MGST1: variants seen among roughly 807,000 people sequenced by gnomAD.
The protein encoded by MGST1 is microsomal glutathione S-transferase 1, also known as glutathione S-transferase 12.
Under a neutral mutation model 8.9 loss-of-function variants are expected in MGST1, and 5 were observed. That is an observed-to-expected ratio of 0.56 (90% CI 0.29 to 1.19). The LOEUF is 1.19. Among genes scored for constraint, MGST1 ranks in the 50% most tolerant of loss-of-function variants. The pLI, the probability that MGST1 is intolerant of heterozygous loss-of-function variation, is 0.08. For missense variants in MGST1, 182 were observed against 187.4 expected (o/e 0.97, Z 0.17); for synonymous variants, 54 against 67.8 (o/e 0.80, Z 1.00).
Position 16,589,127 on chromosome 12 carries a change from A to G in MGST1, n.483-401A>G, listed in dbSNP as rs2137603009. 6.6e-6 allele frequency among the ~76,000 whole-genome samples: 1 copy of G among 152,200 alleles called. No individual in the cohort carries two copies. Among genetic ancestry groups the G allele is most frequent in the East Asian group, 1.9e-4 (1 of 5,164 alleles). On this transcript the variant is annotated intron_variant and non_coding_transcript_variant, in intron 4 of 4. Transcript: ENST00000538857. This position sits in a 1 kb window ranked among gnomAD's most constrained non-coding sequence, Gnocchi z 4.2. ...GCAACCTGACATGCCTCTAAGATCTACGAATTAGATGTAACCTCACCCAGT... is the reference window on the plus strand; with the variant it reads ...GCAACCTGACATGCCTCTAAGATCTGCGAATTAGATGTAACCTCACCCAGT...
chr12:16,380,448 G>A (rs1233184520), downstream of MGST1, among the ~76,000 whole-genome samples: 1 of 152,210 alleles, frequency 6.6e-6, no homozygotes, highest in Non-Finnish European at 1.5e-5. Context: ...GTGGTTGAGC[G>A]GTTTTGAGTG....
chr12:16,358,061 A>T (rs1239305993), intron 3 of MGST1, among the ~76,000 whole-genome samples: 1 of 152,090 alleles, frequency 6.6e-6, no homozygotes, highest in African/African-American at 2.4e-5. Context: ...AGAATTAGGT[A>T]TTTTTGCATA....
chr12:16,501,697 T>A (rs936730162), intron 4 of MGST1, among the ~76,000 whole-genome samples: 1 of 152,186 alleles, frequency 6.6e-6, no homozygotes, highest in African/African-American at 2.4e-5. Context: ...ACCCAGTTAC[T>A]GTGTAATGAA....
Position 16,363,828 on chromosome 12 carries a change from A to G in MGST1, c.255A>G (p.Pro85=). ...AHLNDLENII[P]FLGIGLLYSL... ...TGAATGACCTTGAAAATATTATTCC[A>G]TTTCTTGGAATTGGCCTCCTGTATT... Residue 85 remains proline, a synonymous_variant, in exon 4 of 4, where the codon CCA becomes CCG. Transcript: ENST00000396210. This position sits in a 1 kb window ranked among gnomAD's most constrained non-coding sequence, Gnocchi z 4.6. 2.5e-6 allele frequency: 4 copies of G among 1,610,430 alleles called. No homozygotes were observed. Among genetic ancestry groups the G allele is most frequent in the Non-Finnish European group, 3.4e-6 (4 of 1,177,170 alleles).
At chr12:16,357,478 A>C in intron 2 of MGST1, 127 bp from the exon 3 acceptor site, 1 of 711,050 alleles carries the variant, frequency 1.4e-6, no homozygotes, top group African/African-American at 1.8e-5. Context: ...TATGTTGCCC[A>C]GGCTGATCTT....
Position 16,460,522 on chromosome 12 carries a change from G to C in MGST1, n.482+76918G>C, listed in dbSNP as rs16911936. Among the ~76,000 whole-genome samples the C allele has an allele frequency of 9.0e-3, 1,363 of 151,506 alleles. 75 individuals are homozygous for C. In the East Asian group the frequency reaches 0.17, roughly 18 times the overall value. ...TTCGAATGGTCTCTGTTCTGACCAG[G>C]CATCCTCCTCTGAGTACATTCCCAC... On this transcript the variant is annotated intron_variant and non_coding_transcript_variant, in intron 4 of 4. Coordinates refer to the MGST1 transcript ENST00000538857.
chr12:16,423,692 A>G (rs906220686), intron 1 of MGST1, among the ~76,000 whole-genome samples: 3 of 152,192 alleles, frequency 2.0e-5, no homozygotes, highest in Admixed American at 2.0e-4. Flanking sequence ...GTTACTCAGC[A>G]TACATACTCC....
At chr12:16,404,658 C>G (rs138284118) in intron 1 of MGST1, among the ~76,000 whole-genome samples, 1 of 152,068 alleles carries the variant, frequency 6.6e-6, no homozygotes, top group Non-Finnish European at 1.5e-5. Context: ...ACCATAGGAG[C>G]TTTTGCTTCA....
Position 16,362,761 on chromosome 12 carries a change from A to C in MGST1, c.222-1034A>C, listed in dbSNP as rs1940057995. Reference sequence around the variant, plus strand: ...CCAGGTGTTCAAGACCAGCCTGGGCAACATAGCAAGACCCCATCTCTAAAA... The same window carrying C: ...CCAGGTGTTCAAGACCAGCCTGGGCCACATAGCAAGACCCCATCTCTAAAA... On this transcript the variant is annotated intron_variant, in intron 3 of 3. Transcript: ENST00000396210. The surrounding 1 kb of genome is among the most constrained non-coding windows in gnomAD (Gnocchi z 4.4). 2 of 152,284 alleles carry C rather than the reference A, an allele frequency of 1.3e-5. No homozygotes were observed. Among genetic ancestry groups the C allele is most frequent in the Admixed American group, 1.3e-4 (2 of 15,272 alleles). The allele number at this position is 152,284 out of a possible 1,614,324, so 9.4% of individuals were successfully genotyped here. A position where few individuals can be genotyped will look rare whatever the true frequency, so the allele number is the denominator to read the frequency against.
chr12:16,586,504 G>A lies in MGST1; in HGVS notation n.483-3024G>A, dbSNP rs560327102. ...TCTCACGCTAAGCATTATCTTCTAC[G>A]TCCACAGAAAAAAATCTGTTGTATA... On this transcript the variant is annotated intron_variant and non_coding_transcript_variant, in intron 4 of 4. Coordinates refer to the MGST1 transcript ENST00000538857. The surrounding 1 kb of genome is among the most constrained non-coding windows in gnomAD (Gnocchi z 4.3). Among the ~76,000 whole-genome samples the A allele has an allele frequency of 7.2e-5, 11 of 152,156 alleles. No individual in the cohort carries two copies. Among genetic ancestry groups the A allele is most frequent in the Admixed American group, 3.9e-4 (6 of 15,272 alleles).
intron 4 of MGST1, among the ~76,000 whole-genome samples, chr12:16,453,151 GA>G (rs1299642908): frequency 6.6e-6 from 1 of 151,944 alleles, no homozygotes; most frequent in Non-Finnish European, 1.5e-5. Flanking sequence ...CACTGATGGG[GA>G]AAACTTTGAC....
In MGST1 at chr12:16,360,838, T is replaced by C. The variant is rs9332931; in HGVS notation, c.222-2957T>C. ...CTGGAGCATAGGCTAGGGGTTGAACTGGATGATGTCCCTCGTGGCCCCAGT... is the reference window on the plus strand; with the variant it reads ...CTGGAGCATAGGCTAGGGGTTGAACCGGATGATGTCCCTCGTGGCCCCAGT... On this transcript the variant is annotated intron_variant, in intron 3 of 3. Coordinates refer to ENST00000396210, the MANE Select transcript of MGST1 (RefSeq NM_020300.5). 4.8e-3 allele frequency among the ~76,000 whole-genome samples: 735 copies of C among 152,316 alleles called. 3 individuals are homozygous for C. The highest frequency in any genetic ancestry group is 7.5e-3 in the Non-Finnish European group (510 of 68,020).
At chr12:16,391,365 G>A (rs556722154) in intron 1 of MGST1, among the ~76,000 whole-genome samples, 1 of 142,774 alleles carries the variant, frequency 7.0e-6, no homozygotes, top group Non-Finnish European at 1.5e-5. Flanking sequence ...CCCTCCCTGT[G>A]TCCATGTGTT....
At chr12:16,486,947 C>G (rs1336519023) in intron 4 of MGST1, among the ~76,000 whole-genome samples, 1 of 152,082 alleles carries the variant, frequency 6.6e-6, no homozygotes, top group African/African-American at 2.4e-5. Context: ...TCTTCCAGGC[C>G]GCGACTGTTT....
intron 4 of MGST1, among the ~76,000 whole-genome samples, chr12:16,463,400 G>C (rs1043356316): frequency 6.9e-6 from 1 of 144,778 alleles, no homozygotes; most frequent in Non-Finnish European, 1.5e-5. Flanking sequence ...TTAAAAGACC[G>C]GTGAAGAACA....
chr12:16,404,115 C>T (rs1169325133), intron 1 of MGST1, among the ~76,000 whole-genome samples: 1 of 152,102 alleles, frequency 6.6e-6, no homozygotes, highest in East Asian at 1.9e-4. Flanking sequence ...ATTTTAAAGT[C>T]ATGTTTTAGG....
At chr12:16,407,275 AG>A (rs1565448529) in intron 1 of MGST1, among the ~76,000 whole-genome samples, 1 of 152,244 alleles carries the variant, frequency 6.6e-6, no homozygotes, top group Non-Finnish European at 1.5e-5. Context: ...ACTTTTCAAA[AG>A]AAGGCATACA....
chr12:16,377,737 G>A (rs988381969), downstream of MGST1, among the ~76,000 whole-genome samples: 2 of 152,146 alleles, frequency 1.3e-5, no homozygotes, highest in African/African-American at 4.8e-5. Flanking sequence ...TTCCACAGTG[G>A]TTGAACTAGT....
At chr12:16,521,172 C>A (rs560067607) in intron 4 of MGST1, among the ~76,000 whole-genome samples, 1 of 152,172 alleles carries the variant, frequency 6.6e-6, no homozygotes, top group South Asian at 2.1e-4. Flanking sequence ...AATGCAGCTG[C>A]TTTATTTTTT....
Sources: gnomAD v4.1 joint callset for allele counts (sites outside exome capture counted in the v4.1 genomes callset) on GRCh38, gnomAD v4.1.1 for gene constraint, Gnocchi (gnomAD v3.1) non-coding constraint, MANE v1.5 for transcripts, NCBI Gene and HGNC (gene_info 2026-07-23, HGNC 2026-07-21) for gene names.